BARX2: variants seen among roughly 807,000 people sequenced by gnomAD.
The protein encoded by BARX2 is homeobox protein BarH-like 2.
In BARX2, 11 loss-of-function variants were observed where a neutral mutation model predicts 25.5. That is an observed-to-expected ratio of 0.43 (90% CI 0.27 to 0.71). BARX2 has a LOEUF of 0.71. Among genes scored for constraint, BARX2 ranks in the 30% least tolerant of loss-of-function variants. The probability of loss-of-function intolerance (pLI) is 0.19; values close to 1 mark genes in which losing one functional copy is unlikely to be tolerated. For synonymous variants in BARX2, 137 were observed against 149.5 expected, an observed-to-expected ratio of 0.92 and a Z score of 0.61; for missense variants, 360 against 359.9, an observed-to-expected ratio of 1.00 and a Z score of 0.00.
intron 3 of BARX2, among the ~76,000 whole-genome samples, chr11:129,443,165 G>T (rs1862283691): frequency 6.6e-6 from 1 of 151,976 alleles, no homozygotes; most frequent in Non-Finnish European, 1.5e-5. Flanking sequence ...AAGCTTACAG[G>T]CTTTTAACTT....
chr11:129,448,738 C>G (rs572962846), intron 3 of BARX2, among the ~76,000 whole-genome samples: 1 of 152,304 alleles, frequency 6.6e-6, no homozygotes, highest in Admixed American at 6.5e-5. Context: ...CCAAATGATC[C>G]AGCAATTCAA....
intron 1 of BARX2, among the ~76,000 whole-genome samples, chr11:129,393,812 T>C (rs1249129986): frequency 6.6e-6 from 1 of 151,892 alleles, no homozygotes; most frequent in Non-Finnish European, 1.5e-5. Flanking sequence ...TTAAGAAAAA[T>C]ATTTCAGCTA....
intron 3 of BARX2, among the ~76,000 whole-genome samples, chr11:129,450,773 G>T (rs1565525793): frequency 6.6e-6 from 1 of 151,834 alleles, no homozygotes; most frequent in Non-Finnish European, 1.5e-5. Flanking sequence ...CATACAGTGT[G>T]TTTTTTTTCC....
chr11:129,378,053 A>T (rs751264745), intron 1 of BARX2, among the ~76,000 whole-genome samples: 61 of 152,350 alleles, frequency 4.0e-4, no homozygotes, highest in Non-Finnish European at 8.1e-4. Flanking sequence ...TGTGAGTGTT[A>T]TAAGTGAAAT....
intron 2 of BARX2, chr11:129,437,435 GATC>G: frequency 1.0e-6 from 1 of 1,004,216 alleles, no homozygotes; most frequent in East Asian, 1.0e-4. Context: ...TGGGATTCAT[GATC>G]TTCTCAATCT....
intron 1 of BARX2, among the ~76,000 whole-genome samples, chr11:129,417,852 G>A (rs550519764): frequency 8.5e-5 from 13 of 152,224 alleles, no homozygotes; most frequent in Admixed American, 5.2e-4. Context: ...TGTCATTTTC[G>A]TAAGTTTCTA....
At chr11:129,408,984 A>G (rs568473453) in intron 1 of BARX2, among the ~76,000 whole-genome samples, 21 of 152,294 alleles carry the variant, frequency 1.4e-4, no homozygotes, top group Admixed American at 1.2e-3. Flanking sequence ...GTTGCCCTCA[A>G]ACTAATCAAA....
At chr11:129,426,967 A>G (rs1002895509) in intron 1 of BARX2, among the ~76,000 whole-genome samples, 2 of 152,164 alleles carry the variant, frequency 1.3e-5, no homozygotes, top group Admixed American at 1.3e-4. Context: ...ACTTCCATTG[A>G]GCAAAGAGAA....
chr11:129,407,273 T>G (rs1239519943), intron 1 of BARX2, among the ~76,000 whole-genome samples: 1 of 152,238 alleles, frequency 6.6e-6, no homozygotes, highest in Non-Finnish European at 1.5e-5. Flanking sequence ...GTAACACATT[T>G]GAGAAACCTC....
At chr11:129,409,434 C>G (rs1397958534) in intron 1 of BARX2, among the ~76,000 whole-genome samples, 1 of 152,004 alleles carries the variant, frequency 6.6e-6, no homozygotes, top group African/African-American at 2.4e-5. Context: ...ACACATTCCC[C>G]CCACCCTCCA....
intron 1 of BARX2, among the ~76,000 whole-genome samples, chr11:129,385,776 T>C (rs948227670): frequency 3.3e-5 from 5 of 152,256 alleles, no homozygotes; most frequent in Admixed American, 2.0e-4. Context: ...CATTATTCTT[T>C]GTACTTTTCC....
intron 2 of BARX2, among the ~76,000 whole-genome samples, chr11:129,442,555 C>T (rs1327238695): frequency 6.6e-6 from 1 of 152,120 alleles, no homozygotes; most frequent in East Asian, 1.9e-4. Context: ...TGAGAAGCCC[C>T]AGGCATCCTT....
At chr11:129,419,133 G>A (rs1861976473) in intron 1 of BARX2, among the ~76,000 whole-genome samples, 1 of 152,204 alleles carries the variant, frequency 6.6e-6, no homozygotes, top group Admixed American at 6.5e-5. Context: ...CCTGTCCAGG[G>A]CCGGCCCCCG....
At chr11:129,407,293 C>A (rs1331002338) in intron 1 of BARX2, among the ~76,000 whole-genome samples, 3 of 152,184 alleles carry the variant, frequency 2.0e-5, no homozygotes, top group African/African-American at 2.4e-5. Context: ...CAGTTGAGCA[C>A]CTGTTTTGCG....
chr11:129,376,269 T>C lies in BARX2; in HGVS notation c.187+47T>C, dbSNP rs780251856. 2 of 1,526,430 alleles carry C rather than the reference T, an allele frequency of 1.3e-6. No homozygotes were observed. The allele number at this position is 1,526,430 out of a possible 1,614,324, so 94.6% of individuals were successfully genotyped here. On this transcript the variant is annotated intron_variant, in intron 1 of 3. Transcript: ENST00000281437. The surrounding 1 kb of genome is among the most constrained non-coding windows in gnomAD (Gnocchi z 4.2). ...TAAGTGGGGTTCGGTAGCTTTCACG[T>C]CCGTGTAGGTGGCCTGTGCTTTGCG...
chr11:129,386,824 A>G (rs1016039240), intron 1 of BARX2, among the ~76,000 whole-genome samples: 2 of 152,236 alleles, frequency 1.3e-5, no homozygotes, highest in African/African-American at 4.8e-5. Flanking sequence ...TGGAGGAAAC[A>G]GTTTGTACAA....
chr11:129,432,328 C>T (rs557387876), intron 1 of BARX2, among the ~76,000 whole-genome samples: 19 of 152,204 alleles, frequency 1.2e-4, no homozygotes, highest in Admixed American at 2.0e-4. Flanking sequence ...TCCCAAAGTG[C>T]TAGGATTACA....
chr11:129,444,597 C>G (rs528483972), intron 3 of BARX2, among the ~76,000 whole-genome samples: 1 of 152,216 alleles, frequency 6.6e-6, no homozygotes, highest in African/African-American at 2.4e-5. Flanking sequence ...GAAACAAGGC[C>G]CAGGAGGTAG....
chr11:129,378,318 C>T (rs531444682), intron 1 of BARX2, among the ~76,000 whole-genome samples: 4 of 152,232 alleles, frequency 2.6e-5, no homozygotes, highest in Admixed American at 1.3e-4. Flanking sequence ...GATCATAAGC[C>T]TTCAGTGGGT....
Sources: allele counts gnomAD v4.1 joint callset (sites outside exome capture counted in the v4.1 genomes callset), GRCh38; gene constraint gnomAD v4.1.1; non-coding constraint Gnocchi (gnomAD v3.1); transcripts MANE v1.5; gene names NCBI Gene and HGNC (gene_info 2026-07-23, HGNC 2026-07-21).